ELP4: variants seen among roughly 807,000 people sequenced by gnomAD.
ELP4 encodes the protein elongator acetyltransferase complex subunit 4.
Under a neutral mutation model 48.9 loss-of-function variants are expected in ELP4, and 51 were observed. That is an observed-to-expected ratio of 1.04 (90% confidence interval 0.83 to 1.32). The LOEUF (loss-of-function observed/expected upper bound fraction) is 1.32. ELP4 is among the 40% of genes most tolerant of loss of function. The pLI is 0.00. For missense variants in ELP4, 519 were observed against 514.6 expected (o/e 1.01, Z -0.08); for synonymous variants, 210 against 189.2 (o/e 1.11, Z -0.90).
In ELP4 at chr11:31,520,745, A is replaced by G. The variant is rs575072536; in HGVS notation, c.259+654A>G. 2.6e-5 allele frequency among the ~76,000 whole-genome samples: 4 copies of G among 152,154 alleles called. No individual in the cohort carries two copies. The South Asian group carries it at 8.3e-4, about 32-fold the overall frequency. On this transcript the variant is annotated intron_variant, in intron 2 of 9. Transcript: ENST00000640961. ...ATAAATTTACGTAGTTTTTCACGTGACACCCTTAAAATATTTGAAAATACC... is the reference window on the plus strand; with the variant it reads ...ATAAATTTACGTAGTTTTTCACGTGGCACCCTTAAAATATTTGAAAATACC...
rs759047016 is a variant in ELP4, at chr11:31,782,529, C to T, written c.1144-864C>T. 8.5e-5 allele frequency among the ~76,000 whole-genome samples: 13 copies of T among 152,214 alleles called. No individual in the cohort carries two copies. The South Asian group carries it at 1.5e-3, about 17-fold the overall frequency. ...AAATAAATTTTGCGAGCTGGGAGCA[C>T]GGAGAGTTAAATGAATTTGATATTC... On this transcript the variant is annotated intron_variant, in intron 9 of 9. Coordinates refer to ENST00000640961, the MANE Select transcript of ELP4 (RefSeq NM_019040.5).
At chr11:31,623,390 T>TATATTATATATATATATATAA (rs67986763) in intron 5 of ELP4, among the ~76,000 whole-genome samples, 1 of 92,610 alleles carries the variant, frequency 1.1e-5, no homozygotes, top group African/African-American at 3.6e-5. Flanking sequence ...TATATATATA[T>TATATTATATATATATATATAA]AAAACTAGAA....
At chr11:31,600,740 A>C (rs1957766377) in intron 4 of ELP4, among the ~76,000 whole-genome samples, 1 of 152,140 alleles carries the variant, frequency 6.6e-6, no homozygotes, top group Non-Finnish European at 1.5e-5. Flanking sequence ...TGTTTTAAAA[A>C]CTGTTTGGAT....
intron 9 of ELP4, among the ~76,000 whole-genome samples, chr11:31,729,136 G>T (rs1209579003): frequency 1.3e-5 from 2 of 152,128 alleles, no homozygotes; most frequent in Non-Finnish European, 2.9e-5. Context: ...TATTGTAATT[G>T]TAGCTCATTT....
intron 9 of ELP4, chr11:31,707,142 T>G: frequency 2.5e-6 from 1 of 395,478 alleles, no homozygotes; most frequent in South Asian, 1.3e-4. Flanking sequence ...TTGCAGTTTC[T>G]TGAGAACCCT....
chr11:31,575,985 C>T (rs1957268725), intron 3 of ELP4, among the ~76,000 whole-genome samples: 1 of 152,174 alleles, frequency 6.6e-6, no homozygotes, highest in Admixed American at 6.5e-5. Context: ...AATTAAAAGA[C>T]ACAGACTGGA....
chr11:31,731,859 T>C (rs1297193659), intron 9 of ELP4, among the ~76,000 whole-genome samples: 2 of 152,048 alleles, frequency 1.3e-5, no homozygotes, highest in Admixed American at 6.6e-5. Context: ...ATCGGTGGAT[T>C]TCATAGCAGA....
intron 9 of ELP4, among the ~76,000 whole-genome samples, chr11:31,692,099 C>T (rs1297659430): frequency 1.3e-5 from 2 of 152,100 alleles, no homozygotes; most frequent in East Asian, 1.9e-4. Context: ...ACTTCTTACT[C>T]AGAAGTCCAA....
intron 3 of ELP4, among the ~76,000 whole-genome samples, chr11:31,547,727 A>G (rs1161761724): frequency 1.3e-5 from 2 of 152,224 alleles, no homozygotes; most frequent in South Asian, 2.1e-4. Context: ...CATTCATGCA[A>G]AAATCCTCAA....
chr11:31,519,297 T>C (rs923657225), intron 1 of ELP4, among the ~76,000 whole-genome samples: 1 of 152,258 alleles, frequency 6.6e-6, no homozygotes, highest in African/African-American at 2.4e-5. Context: ...ATCAGATCTT[T>C]ACTCAGTCTT....
intron 3 of ELP4, among the ~76,000 whole-genome samples, chr11:31,568,689 A>C (rs748154926): frequency 6.6e-6 from 1 of 152,208 alleles, no homozygotes; most frequent in African/African-American, 2.4e-5. Context: ...AAGGACTCCC[A>C]TTCAATAAAT....
intron 3 of ELP4, among the ~76,000 whole-genome samples, chr11:31,547,761 A>T (rs1261191585): frequency 1.2e-4 from 19 of 152,242 alleles, no homozygotes; most frequent in Admixed American, 1.2e-3. Context: ...AACCGAATCC[A>T]GCAGCACATC....
In ELP4 at chr11:31,784,522, G is replaced by A. The variant is rs2134294267; in HGVS notation, c.*998G>A. The A allele has an allele frequency of 6.6e-6, 1 of 152,162 alleles. No individual in the cohort carries two copies. Among genetic ancestry groups the A allele is most frequent in the Non-Finnish European group, 1.5e-5 (1 of 67,928 alleles). The allele number at this position is 152,162 out of a possible 1,614,324, so 9.4% of individuals were successfully genotyped here. On this transcript the variant is annotated 3_prime_UTR_variant, in exon 10 of 10. Coordinates refer to ENST00000640961, the MANE Select transcript of ELP4 (RefSeq NM_019040.5). ...ATGGATAAAAAATGAAAGTTGAAAA[G>A]TAACTTGCATATTTAAGAGTCTTGA...
At position 31,694,873 on chromosome 11, in the gene ELP4, G is replaced by C. The variant is rs928040004; in HGVS notation, c.1143+44652G>C. 2.0e-4 allele frequency among the ~76,000 whole-genome samples: 31 copies of C among 152,120 alleles called. No homozygotes were observed. In the East Asian group the frequency reaches 2.1e-3, roughly 10 times the overall value. ...TGTAGTTCTCCTTGAAGAGGTCCTT[G>C]ACATCCCTTGTAAGTTGGATTCCTA... On this transcript the variant is annotated intron_variant, in intron 9 of 9. Coordinates refer to ENST00000640961, the MANE Select transcript of ELP4 (RefSeq NM_019040.5).
At chr11:31,587,473 G>A (rs972410791) in intron 3 of ELP4, among the ~76,000 whole-genome samples, 3 of 152,142 alleles carry the variant, frequency 2.0e-5, no homozygotes, top group African/African-American at 7.2e-5. Context: ...AAGCTGAAAA[G>A]TGTAAAAAGG....
chr11:31,510,235 C>G, intron 1 of ELP4: 1 of 570,960 alleles, frequency 1.8e-6, no homozygotes, highest in Non-Finnish European at 3.1e-6. Flanking sequence ...ATTCCCTGCC[C>G]TCCAACCCCT....
intron 9 of ELP4, among the ~76,000 whole-genome samples, chr11:31,704,184 T>G (rs1321464540): frequency 6.6e-6 from 1 of 152,124 alleles, no homozygotes; most frequent in East Asian, 1.9e-4. Context: ...TTCTTGTAGT[T>G]TGGATTTGTA....
intron 3 of ELP4, among the ~76,000 whole-genome samples, chr11:31,565,669 A>G (rs1957099087): frequency 6.7e-6 from 1 of 149,446 alleles, no homozygotes. Context: ...GGTTTGTGAA[A>G]GATCAGATGG....
intron 5 of ELP4, among the ~76,000 whole-genome samples, chr11:31,625,102 A>AT (rs1433050537): frequency 6.6e-6 from 1 of 151,646 alleles, no homozygotes. Flanking sequence ...TAAAGTAATC[A>AT]TTTATTATTA....
Sources: gnomAD v4.1 joint callset for allele counts (sites outside exome capture counted in the v4.1 genomes callset) on GRCh38, gnomAD v4.1.1 for gene constraint, MANE v1.5 for transcripts, NCBI Gene and HGNC (gene_info 2026-07-23, HGNC 2026-07-21) for gene names.